Variants in CFP observed in about 807,000 individuals in gnomAD.
The protein encoded by CFP is complement factor properdin.
A neutral mutation model predicts 42.1 loss-of-function variants in CFP; 14 were observed. The observed-to-expected ratio is 0.33, with a 90% CI of 0.22 to 0.52. The LOEUF (loss-of-function observed/expected upper bound fraction) is 0.52, where lower values mean the gene tolerates loss of function less well. Among genes scored for constraint, CFP ranks in the 20% least tolerant of loss-of-function variants. The probability of loss-of-function intolerance (pLI) is 0.96; values close to 1 mark genes in which losing one functional copy is unlikely to be tolerated. For synonymous variants in CFP, 149 were observed against 160.6 expected, an observed-to-expected ratio of 0.93 and a Z score of 0.54; for missense variants, 318 against 400.4, an observed-to-expected ratio of 0.79 and a Z score of 1.76.
intron 2 of CFP, 153 bp downstream of exon 2, chrX:47,629,371 T>C (rs1569336397): frequency 2.2e-6 from 1 of 450,625 alleles, no homozygotes; most frequent in East Asian, 3.8e-5. Flanking sequence ...CAAATGTCAA[T>C]AGTAACAAGG....
upstream of CFP, chrX:47,630,153 G>A (rs2057985592): frequency 2.9e-6 from 1 of 343,544 alleles, no homozygotes. Flanking sequence ...GCATAGGAGC[G>A]TGCAGCAACT....
Position 47,626,186 on chromosome X carries a change from G to A in CFP, c.1133-17C>T, listed in dbSNP as rs2057967748. 4 of 1,144,932 alleles carry A rather than the reference G, an allele frequency of 3.5e-6. No homozygotes were observed. The highest frequency in any genetic ancestry group is 4.7e-6 in the Non-Finnish European group (4 of 850,732). The allele number at this position is 1,144,932 out of a possible 1,213,427, so 94.4% of individuals were successfully genotyped here. ...ATCCTTTCACTGCAATGAGGGGTAG[G>A]GGTCACAGAGTCAGAACTGGAGGTC... On this transcript the variant is annotated splice_polypyrimidine_tract_variant and intron_variant, in intron 7 of 8. Coordinates refer to ENST00000396992, the MANE Select transcript of CFP (RefSeq NM_001145252.3).
rs753398830 is a variant in CFP, at chrX:47,623,845, G to T, written c.*430C>A. The T allele has an allele frequency of 6.7e-6, 1 of 148,293 alleles. No individual in the cohort carries two copies. The highest frequency in any genetic ancestry group is 7.7e-5 in the Admixed American group (1 of 13,040). The allele number at this position is 148,293 out of a possible 1,213,427, so 12.2% of individuals were successfully genotyped here. The stretch of plus-strand genomic sequence containing the variant: ...GGGTTCCGGCTGGTGGGAATCTAGG[G>T]AGGTCCAGGAGACGGGGAGACAACG... On this transcript the variant is annotated 3_prime_UTR_variant, in exon 9 of 9. Transcript: ENST00000396992.
chrX:47,627,436 G>A (rs775191694), intron 4 of CFP, 35 bp downstream of exon 4: 1 of 1,208,196 alleles, frequency 8.3e-7, no homozygotes, highest in Non-Finnish European at 1.1e-6. Context: ...CACGCTGGGT[G>A]CACCCATCAG....
chrX:47,624,413 C>T lies in CFP; in HGVS notation c.1272G>A (p.Gln424=). The change falls in exon 9 of 9, where the codon CAG becomes CAA. Residue 424 remains glutamine (Q), a synonymous_variant. Transcript: ENST00000396992. ...YPPTVSMVEG[Q]GEKNVTFWGR... ...CCCAGAAGGTCACGTTCTTCTCGCC[C>T]TGACCTTCGACCATGGAAACGGTGG... 1.7e-6 allele frequency: 2 copies of T among 1,210,942 alleles called. No homozygotes were observed. Among genetic ancestry groups the T allele is most frequent in the Non-Finnish European group, 2.2e-6 (2 of 895,054 alleles).
In CFP at chrX:47,626,500, C is replaced by G. The variant is rs377699424; in HGVS notation, c.960G>C (p.Ser320=). 8.3e-7 allele frequency: 1 copy of G among 1,211,742 alleles called. No individual in the cohort carries two copies. The highest frequency in any genetic ancestry group is 3.0e-5 in the East Asian group (1 of 33,844). The change falls in exon 7 of 9, where the codon TCG becomes TCC. Residue 320 remains serine, a synonymous_variant. Coordinates refer to ENST00000396992, the MANE Select transcript of CFP (RefSeq NM_001145252.3). ...GGATACAGGGGCTCCACTCCCCCCACGAGTCCCACTCCCCATCCACTGCAG... is the reference window on the plus strand; with the variant it reads ...GGATACAGGGGCTCCACTCCCCCCAGGAGTCCCACTCCCCATCCACTGCAG... ...VPCPVDGEWD[S]WGEWSPCIRR...
chrX:47,626,732 G>A, intron 6 of CFP, 41 bp downstream of exon 6: 1 of 1,178,762 alleles, frequency 8.5e-7, no homozygotes, highest in African/African-American at 1.7e-5. Context: ...GAAGGGCAAG[G>A]GGGACTTAGG....
At position 47,626,923 on chromosome X, in the gene CFP, C is replaced by T. The variant is rs748064490; in HGVS notation, c.790G>A (p.Gly264Ser). Reference sequence around the variant, plus strand: ...GTCACAGGGCAGGGGCTCACAGGGCCCCAAGGCCCCCAGCCCCCAGCCACT... The same window carrying T: ...GTCACAGGGCAGGGGCTCACAGGGCTCCAAGGCCCCCAGCCCCCAGCCACT... ...CPVAGGWGPW[G>S]PVSPCPVTCG... The change falls in exon 6 of 9, where the codon GGC becomes AGC. Residue 264 changes from glycine (G) to serine (S), a missense_variant. Coordinates refer to ENST00000396992, the MANE Select transcript of CFP (RefSeq NM_001145252.3). 1 of 1,185,323 alleles carries T rather than the reference C, an allele frequency of 8.4e-7. No individual in the cohort carries two copies. The highest frequency in any genetic ancestry group is 1.1e-6 in the Non-Finnish European group (1 of 882,051).
intron 4 of CFP, 47 bp downstream of exon 4, chrX:47,627,424 C>T (rs2057973821): frequency 1.7e-6 from 2 of 1,204,325 alleles, no homozygotes; most frequent in South Asian, 3.6e-5. Flanking sequence ...ACCCCGCAGA[C>T]CCACGCTGGG....
chrX:47,624,532 A>C, intron 8 of CFP, 92 bp from the exon 9 acceptor site: 6 of 424,863 alleles, frequency 1.4e-5, no homozygotes, highest in Non-Finnish European at 2.1e-5. Context: ...CTATATGCCG[A>C]GGGCTACTTT....
rs777287352 is a variant in CFP, at chrX:47,629,762, C to A, written c.76+7G>T. ...CCCTGGGGCCAGCTGGGCCCTCACC[C>A]CCTCACCTGTGGCTGGCAGGGTGAG... On this transcript the variant is annotated splice_region_variant and intron_variant, in intron 1 of 8. Transcript: ENST00000396992. The A allele has an allele frequency of 8.6e-7, 1 of 1,169,244 alleles. No homozygotes were observed.
chrX:47,627,969 C>G, intron 3 of CFP, 133 bp downstream of exon 3: 2 of 799,057 alleles, frequency 2.5e-6, no homozygotes, highest in Non-Finnish European at 3.7e-6. Context: ...TCTCTGACCT[C>G]ACCTCCCACC....
Position 47,626,357 on chromosome X carries a change from C to T in CFP, c.1103G>A (p.Arg368Gln), listed in dbSNP as rs1438785777. Residue 368 changes from arginine to glutamine, a missense_variant, in exon 7 of 9, where the codon CGG (arginine) becomes CAG (glutamine). By Grantham distance (43) the Arg-to-Gln change is conservative. Coordinates refer to ENST00000396992, the MANE Select transcript of CFP (RefSeq NM_001145252.3). ...GCAGTGCTGGATGCTGTAGCAGTGCCGGATATCCTGCTGTTGCCCGGCACA... is the reference window on the plus strand; with the variant it reads ...GCAGTGCTGGATGCTGTAGCAGTGCTGGATATCCTGCTGTTGCCCGGCACA... ...HRCAGQQQDIRHCYSIQHCPL... is the reference protein window; with the variant it reads ...HRCAGQQQDIQHCYSIQHCPL... The T allele has an allele frequency of 5.8e-6, 7 of 1,209,507 alleles. No homozygotes were observed. The highest frequency in any genetic ancestry group is 1.8e-5 in the South Asian group (1 of 56,704).
At chrX:47,627,939 G>A (rs2057976098) in intron 3 of CFP, among the ~76,000 whole-genome samples, 163 bp downstream of exon 3, 1 of 111,335 alleles carries the variant, frequency 9.0e-6, no homozygotes, top group South Asian at 3.8e-4. Flanking sequence ...GTGGCCCCCA[G>A]GCAATGGACC....
At chrX:47,627,810 C>G (rs1440952788) in intron 3 of CFP, among the ~76,000 whole-genome samples, 169 bp from the exon 4 acceptor site, 4 of 112,013 alleles carry the variant, frequency 3.6e-5, no homozygotes, top group Non-Finnish European at 7.5e-5. Flanking sequence ...ACATGGGTGC[C>G]TCCGCTTCCC....
At chrX:47,629,451 G>A in intron 2 of CFP, 73 bp downstream of exon 2, 1 of 879,166 alleles carries the variant, frequency 1.1e-6, no homozygotes. Context: ...GAGAAAGAAA[G>A]TGCCCAGTTT....
intron 8 of CFP, chrX:47,625,576 A>C (rs2057965098): frequency 5.8e-6 from 1 of 173,697 alleles, no homozygotes; most frequent in Admixed American, 6.9e-5. Context: ...TGCATGCACC[A>C]GCTGTTCCTC....
In CFP at chrX:47,627,234, A is replaced by G; in HGVS notation, c.673T>C (p.Ser225Pro). Residue 225 changes from serine to proline, a missense_variant, in exon 5 of 9, where the codon TCT becomes CCT. Physicochemically the swap from Ser to Pro is moderately conservative, Grantham distance 74 (BLOSUM62 -1). Coordinates refer to ENST00000396992, the MANE Select transcript of CFP (RefSeq NM_001145252.3). Reference sequence around the variant, plus strand: ...GGTTTCTGGGAGGGCTCAGGTGCAGAACACTTGCGGCTTCGTGTCTCCTTA... The same window carrying G: ...GGTTTCTGGGAGGGCTCAGGTGCAGGACACTTGCGGCTTCGTGTCTCCTTA... ...EPKETRSRKC[S>P]APEPSQKPPG... The G allele has an allele frequency of 2.5e-6, 3 of 1,211,417 alleles. No homozygotes were observed. Among genetic ancestry groups the G allele is most frequent in the Non-Finnish European group, 3.4e-6 (3 of 895,200 alleles).
Position 47,629,886 on chromosome X carries a change from C to G in CFP, c.-42G>C. On this transcript the variant is annotated 5_prime_UTR_variant, in exon 1 of 9. Coordinates refer to ENST00000396992, the MANE Select transcript of CFP (RefSeq NM_001145252.3). ...TGCACCTCTACCAGAGAGGAGGTCC[C>G]GCTTTATCTGGGTTGATAGGCTCCT... 8.8e-7 allele frequency: 1 copy of G among 1,141,152 alleles called. No individual in the cohort carries two copies. Among genetic ancestry groups the G allele is most frequent in the South Asian group, 1.9e-5 (1 of 52,113 alleles). The allele number at this position is 1,141,152 out of a possible 1,213,427, so 94.0% of individuals were successfully genotyped here.
Sources: gnomAD v4.1 joint callset for allele counts (sites outside exome capture counted in the v4.1 genomes callset) on GRCh38, gnomAD v4.1.1 for gene constraint, MANE v1.5 for transcripts, NCBI Gene and HGNC (gene_info 2026-07-23, HGNC 2026-07-21) for gene names.